SNAP23: variants seen among roughly 807,000 people sequenced by gnomAD.
SNAP23 encodes synaptosomal-associated protein 23.
In SNAP23, 11 loss-of-function variants were observed where a neutral mutation model predicts 29.0. The ratio of observed to expected loss-of-function variants is 0.38; its 90% CI spans 0.24 to 0.63. The LOEUF (loss-of-function observed/expected upper bound fraction) is 0.63. Ranked by LOEUF, SNAP23 falls within the 20% of genes least tolerant of loss-of-function variation. The pLI, the probability that SNAP23 is intolerant of heterozygous loss-of-function variation, is 0.58. For synonymous variants in SNAP23, 60 were observed against 82.9 expected (o/e 0.72, Z 1.50); for missense variants, 220 against 253.9 (o/e 0.87, Z 0.91).
upstream of SNAP23, chr15:42,495,454 G>C (rs2057208923): frequency 6.6e-6 from 1 of 152,238 alleles, no homozygotes; most frequent in Non-Finnish European, 1.5e-5. Context: ...TTTATTGCAT[G>C]AACACCTCCC....
intron 1 of SNAP23, among the ~76,000 whole-genome samples, chr15:42,503,888 A>G (rs1325574261): frequency 6.6e-6 from 1 of 152,178 alleles, no homozygotes; most frequent in East Asian, 1.9e-4. Context: ...GGTAAAAAGA[A>G]AAGAGTTTTT....
chr15:42,497,533 C>T lies in SNAP23; in HGVS notation c.-15+1820C>T, dbSNP rs145082226. Among the ~76,000 whole-genome samples the T allele has an allele frequency of 4.5e-4, 68 of 151,870 alleles. 1 individual carries two copies. Among genetic ancestry groups the T allele is most frequent in the Middle Eastern group, 6.8e-3 (2 of 294 alleles). On this transcript the variant is annotated intron_variant, in intron 1 of 7. Coordinates refer to ENST00000249647, the MANE Select transcript of SNAP23 (RefSeq NM_003825.4). The stretch of plus-strand genomic sequence containing the variant: ...TAATTTTTGCATTTTTTAGTAGAGA[C>T]GGGGTTTCACTCTATTGGCCAGGCT...
chr15:42,528,445 C>G (rs2057527357), intron 6 of SNAP23, 25 bp downstream of exon 6: 1 of 1,611,164 alleles, frequency 6.2e-7, no homozygotes, highest in Admixed American at 1.7e-5. Context: ...CCTGATATTC[C>G]TGTACCTTTC....
intron 1 of SNAP23, among the ~76,000 whole-genome samples, chr15:42,506,914 G>T (rs1290408883): frequency 1.3e-5 from 2 of 151,882 alleles, no homozygotes; most frequent in African/African-American, 4.8e-5. Flanking sequence ...TGCCTCCCAG[G>T]TTCAAGTGAT....
rs373331547 is a variant in SNAP23, at chr15:42,528,276, A to C, written c.281A>C (p.Glu94Ala). ...CTCTTATATAGAACAAAGAACTTTGAGTCTGGCAAGGCTTATAAGACAACA... is the reference window on the plus strand; with the variant it reads ...CTCTTATATAGAACAAAGAACTTTGCGTCTGGCAAGGCTTATAAGACAACA... The part of the protein sequence containing the change: ...VCPCNRTKNF[E>A]SGKAYKTTWG... Residue 94 changes from glutamate to alanine, a missense_variant, in exon 6 of 8, where the codon GAG becomes GCG. By Grantham distance (107) the Glu-to-Ala change is moderately radical. Transcript: ENST00000249647. The C allele has an allele frequency of 5.6e-6, 9 of 1,614,048 alleles. No individual in the cohort carries two copies. Among genetic ancestry groups the C allele is most frequent in the Non-Finnish European group, 8.5e-7 (1 of 1,179,926 alleles).
intron 5 of SNAP23, among the ~76,000 whole-genome samples, chr15:42,523,422 T>C (rs1387195052): frequency 6.6e-6 from 1 of 152,242 alleles, no homozygotes; most frequent in Non-Finnish European, 1.5e-5. Flanking sequence ...CCTAGTAATC[T>C]TTCATGTCAC....
chr15:42,521,469 C>T (rs1273186286), intron 5 of SNAP23: 7 of 1,340,290 alleles, frequency 5.2e-6, no homozygotes, highest in Middle Eastern at 2.7e-4. Flanking sequence ...TTGGTTGTTT[C>T]TATGAAACCA....
At position 42,529,834 on chromosome 15, in the gene SNAP23, T is replaced by C. The variant is rs778610337; in HGVS notation, c.570+15T>C. 2.5e-6 allele frequency: 4 copies of C among 1,609,038 alleles called. No homozygotes were observed. The South Asian group carries it at 3.3e-5, about 13-fold the overall frequency. ...TCACAGACAAGGTAAAAGCTTTTTA[T>C]TGCCACAAGAAAATGAGACACCCAG... On this transcript the variant is annotated intron_variant, in intron 7 of 7. Coordinates refer to ENST00000249647, the MANE Select transcript of SNAP23 (RefSeq NM_003825.4).
chr15:42,501,210 G>A (rs897345631), intron 1 of SNAP23, among the ~76,000 whole-genome samples: 1 of 152,084 alleles, frequency 6.6e-6, no homozygotes, highest in African/African-American at 2.4e-5. Context: ...TTCACAATAT[G>A]TGTTCTGTCT....
intron 5 of SNAP23, among the ~76,000 whole-genome samples, chr15:42,526,586 C>A (rs146935601): frequency 2.2e-4 from 34 of 152,270 alleles, no homozygotes; most frequent in African/African-American, 7.7e-4. Context: ...CATAAAATCT[C>A]TTCCCTACCT....
intron 1 of SNAP23, among the ~76,000 whole-genome samples, chr15:42,507,910 A>G (rs932861603): frequency 2.6e-5 from 4 of 152,104 alleles, no homozygotes; most frequent in African/African-American, 4.8e-5. Flanking sequence ...AGTAAATACA[A>G]TCAGCCCTCC....
chr15:42,492,560 C>G (rs2057177938), upstream of SNAP23, among the ~76,000 whole-genome samples: 1 of 151,468 alleles, frequency 6.6e-6, no homozygotes, highest in African/African-American at 2.4e-5. Context: ...TGCCTGTAGT[C>G]CCAGCTACTC....
chr15:42,516,583 C>T (rs2057399054), intron 5 of SNAP23, among the ~76,000 whole-genome samples: 1 of 152,174 alleles, frequency 6.6e-6, no homozygotes, highest in African/African-American at 2.4e-5. Context: ...CCCGCCTTAA[C>T]CTCCTCAAGT....
chr15:42,517,594 C>T (rs137937394), intron 5 of SNAP23, among the ~76,000 whole-genome samples: 1 of 152,234 alleles, frequency 6.6e-6, no homozygotes, highest in East Asian at 1.9e-4. Flanking sequence ...TTGTGTATCC[C>T]AGCCAAGCAT....
At chr15:42,521,730 C>T in intron 5 of SNAP23, 2 of 736,168 alleles carry the variant, frequency 2.7e-6, no homozygotes, top group Non-Finnish European at 4.7e-6. Flanking sequence ...AATGGCTTTT[C>T]TGTGCATGTG....
intron 1 of SNAP23, chr15:42,505,662 T>C (rs1567042961): frequency 6.7e-6 from 1 of 149,472 alleles, no homozygotes; most frequent in Admixed American, 6.7e-5. Flanking sequence ...TTCAATCAAC[T>C]CTCCTGTCTC....
At chr15:42,530,878 C>T (rs2057558793) in intron 7 of SNAP23, among the ~76,000 whole-genome samples, 1 of 152,182 alleles carries the variant, frequency 6.6e-6, no homozygotes, top group African/African-American at 2.4e-5. Context: ...TCACAAGATG[C>T]TTTAAATGCT....
chr15:42,511,889 C>T lies in SNAP23; in HGVS notation c.43C>T (p.Gln15Ter). The T allele has an allele frequency of 6.3e-7, 1 of 1,595,588 alleles. No individual in the cohort carries two copies. Among genetic ancestry groups the T allele is most frequent in the Non-Finnish European group, 8.6e-7 (1 of 1,168,588 alleles). Reference protein sequence around the residue: ...SSEEIQQRAHQITDESLESTR... With the variant: ...SSEEIQQRAH ...AGAAGAAATTCAACAGAGAGCTCAC[C>T]AGATTACTGATGAGGTAAATGTTTT... The change falls in exon 2 of 8, where the codon CAG (glutamine) becomes TAG (stop). Residue 15 changes from glutamine to a stop codon, truncating the protein, a stop_gained. Transcript: ENST00000249647. LOFTEE classifies it high-confidence loss of function.
intron 5 of SNAP23, among the ~76,000 whole-genome samples, chr15:42,527,101 G>A (rs1478677705): frequency 2.0e-5 from 3 of 152,148 alleles, no homozygotes; most frequent in African/African-American, 7.2e-5. Flanking sequence ...GCCTCCCAAA[G>A]TGCTGGGATT....
Sources: allele counts gnomAD v4.1 joint callset (sites outside exome capture counted in the v4.1 genomes callset), GRCh38; gene constraint gnomAD v4.1.1; transcripts MANE v1.5; gene names NCBI Gene and HGNC (gene_info 2026-07-23, HGNC 2026-07-21).